Variants in MPPED1 observed in about 807,000 individuals in gnomAD.
The protein encoded by MPPED1 is metallophosphoesterase domain containing 1.
MPPED1 carries 16 observed loss-of-function variants against 36.2 expected under a neutral mutation model. That is an observed-to-expected ratio of 0.44 (90% CI 0.30 to 0.67). The LOEUF is 0.67. Ranked by LOEUF, MPPED1 falls within the 30% of genes least tolerant of loss-of-function variation. MPPED1 has a pLI of 0.10. For missense variants in MPPED1, 307 were observed against 453.4 expected, an observed-to-expected ratio of 0.68 and a Z score of 2.93; for synonymous variants, 199 against 191.3, an observed-to-expected ratio of 1.04 and a Z score of -0.33.
At chr22:43,426,283 T>G (rs1467431878) in intron 2 of MPPED1, among the ~76,000 whole-genome samples, 2 of 151,950 alleles carry the variant, frequency 1.3e-5, no homozygotes, top group Non-Finnish European at 2.9e-5. Context: ...CGGAGGCCAT[T>G]GTCCCCTTGG....
In MPPED1 at chr22:43,424,967, G is replaced by C. The variant is rs1428234123; in HGVS notation, c.-19G>C. On this transcript the variant is annotated 5_prime_UTR_variant, in exon 2 of 7. Coordinates refer to ENST00000443721, the MANE Select transcript of MPPED1 (RefSeq NM_001044370.2). ...GTGGCGGCAGCGGTGGGAGATGCCG[G>C]GGCGGCCGGCGGAGGTCCATGTGGC... 6.4e-7 allele frequency: 1 copy of C among 1,563,478 alleles called. No homozygotes were observed. Among genetic ancestry groups the C allele is most frequent in the Admixed American group, 1.9e-5 (1 of 52,748 alleles).
At chr22:43,465,659 T>C (rs1218922195) in intron 3 of MPPED1, among the ~76,000 whole-genome samples, 2 of 151,966 alleles carry the variant, frequency 1.3e-5, no homozygotes, top group East Asian at 1.9e-4. Context: ...CCTGCTAGGG[T>C]TGAGTGAAGA....
At chr22:43,453,432 T>A (rs946000524) in intron 3 of MPPED1, among the ~76,000 whole-genome samples, 3 of 151,364 alleles carry the variant, frequency 2.0e-5, no homozygotes, top group Non-Finnish European at 4.4e-5. Context: ...AAATCCAGGG[T>A]CTTTGGCCAA....
chr22:43,497,397 C>T (rs995512057), intron 4 of MPPED1, among the ~76,000 whole-genome samples: 2 of 151,972 alleles, frequency 1.3e-5, no homozygotes, highest in Non-Finnish European at 2.9e-5. Context: ...GGTGTCTGGT[C>T]CAGTTTGATC....
chr22:43,436,470 T>A (rs895145120), intron 3 of MPPED1, among the ~76,000 whole-genome samples: 2 of 152,250 alleles, frequency 1.3e-5, no homozygotes, highest in Admixed American at 1.3e-4. Context: ...GGCCTTCCCT[T>A]CTGTTTGGCA....
At chr22:43,459,897 T>C (rs570103375) in intron 3 of MPPED1, among the ~76,000 whole-genome samples, 46 of 152,178 alleles carry the variant, frequency 3.0e-4, no homozygotes, top group Middle Eastern at 3.2e-3. Context: ...CTTTGTGTGT[T>C]TCATTTAAAA....
intron 2 of MPPED1, 33 bp from the exon 3 acceptor site, chr22:43,435,001 C>G: frequency 6.2e-7 from 1 of 1,602,382 alleles, no homozygotes; most frequent in East Asian, 2.2e-5. Context: ...GGCTCCATGG[C>G]CTCCTGATCC....
intron 6 of MPPED1, among the ~76,000 whole-genome samples, chr22:43,505,161 GTGA>G (rs1270052445): frequency 4.6e-5 from 7 of 151,600 alleles, no homozygotes; most frequent in Non-Finnish European, 1.5e-5. Context: ...GATGTTGATA[GTGA>G]TGATGGTGGT....
At chr22:43,453,986 CTTTT>C (rs908221963) in intron 3 of MPPED1, among the ~76,000 whole-genome samples, 3 of 152,008 alleles carry the variant, frequency 2.0e-5, no homozygotes, top group Admixed American at 2.0e-4. Context: ...ATTCTACTTT[CTTTT>C]TTAAAATTTA....
intron 3 of MPPED1, among the ~76,000 whole-genome samples, chr22:43,441,888 C>G (rs888603083): frequency 6.6e-6 from 1 of 152,146 alleles, no homozygotes; most frequent in Non-Finnish European, 1.5e-5. Flanking sequence ...CACACACAAT[C>G]GTTTTGCCTC....
chr22:43,463,918 C>G (rs1020709529), intron 3 of MPPED1, among the ~76,000 whole-genome samples: 8 of 127,364 alleles, frequency 6.3e-5, no homozygotes, highest in African/African-American at 5.9e-5. Context: ...TTTCTTTCTT[C>G]TTTTCTTTGA....
At chr22:43,498,668 C>T (rs1454322503) in intron 5 of MPPED1, among the ~76,000 whole-genome samples, 1 of 152,084 alleles carries the variant, frequency 6.6e-6, no homozygotes, top group Non-Finnish European at 1.5e-5. Context: ...TGAAAATCAC[C>T]AGAGCCCTGC....
chr22:43,497,845 T>C (rs529031854), intron 4 of MPPED1, among the ~76,000 whole-genome samples: 2 of 150,474 alleles, frequency 1.3e-5, no homozygotes, highest in South Asian at 2.1e-4. Context: ...GGTGGGAGTA[T>C]TGGAGAATGT....
rs188983462 is a variant in MPPED1 at position 43,438,220 on chromosome 22, C to A, written c.406+3005C>A. Among the ~76,000 whole-genome samples the A allele has an allele frequency of 2.8e-4, 43 of 152,212 alleles. No individual in the cohort carries two copies. In the East Asian group the frequency reaches 7.5e-3, roughly 27 times the overall value. On this transcript the variant is annotated intron_variant, in intron 3 of 6. Coordinates refer to ENST00000443721, the MANE Select transcript of MPPED1 (RefSeq NM_001044370.2). ...GGTCTGTCTGGGACCCACCTGGGGACGTGTGGTGATGGCCATTCAGCTGGG... is the reference window on the plus strand; with the variant it reads ...GGTCTGTCTGGGACCCACCTGGGGAAGTGTGGTGATGGCCATTCAGCTGGG...
At chr22:43,478,531 G>A (rs1371324194) in intron 4 of MPPED1, among the ~76,000 whole-genome samples, 1 of 152,146 alleles carries the variant, frequency 6.6e-6, no homozygotes, top group Non-Finnish European at 1.5e-5. Context: ...AAAGCCAGAG[G>A]TTGAAGAGAT....
chr22:43,498,186 C>G, intron 4 of MPPED1, 49 bp from the exon 5 acceptor site: 1 of 1,446,006 alleles, frequency 6.9e-7, no homozygotes, highest in East Asian at 2.5e-5. Flanking sequence ...CCTCTGACCA[C>G]CCTGTACTTT....
intron 1 of MPPED1, chr22:43,418,084 A>G (rs569416673): frequency 2.2e-6 from 1 of 456,276 alleles, no homozygotes; most frequent in South Asian, 1.5e-5. Context: ...AGTGATTGTT[A>G]AAGAGCTGCC....
chr22:43,469,745 G>A (rs7292049), intron 3 of MPPED1, among the ~76,000 whole-genome samples: 47,720 of 152,016 alleles, frequency 0.31, 7,695 homozygotes, highest in East Asian at 0.49. Flanking sequence ...CATTTGAGGA[G>A]AAGGGGCGAC....
chr22:43,429,231 G>A (rs2146824925), intron 2 of MPPED1, among the ~76,000 whole-genome samples: 1 of 152,234 alleles, frequency 6.6e-6, no homozygotes, highest in South Asian at 2.1e-4. Context: ...GGTGAGTGTG[G>A]GGAGCTGGGA....
Sources: allele counts gnomAD v4.1 joint callset (sites outside exome capture counted in the v4.1 genomes callset), GRCh38; gene constraint gnomAD v4.1.1; transcripts MANE v1.5; gene names NCBI Gene and HGNC (gene_info 2026-07-23, HGNC 2026-07-21).